SCN3A: variants seen among roughly 807,000 people sequenced by gnomAD.
SCN3A encodes sodium channel protein type 3 subunit alpha.
SCN3A carries 60 observed loss-of-function variants against 187.6 expected under a neutral mutation model. The observed-to-expected ratio is 0.32, with a 90% confidence interval of 0.26 to 0.40. The LOEUF (loss-of-function observed/expected upper bound fraction) is 0.40. Among genes scored for constraint, SCN3A ranks in the 10% least tolerant of loss-of-function variants. The probability of loss-of-function intolerance (pLI) is 1.00; values close to 1 mark genes in which losing one functional copy is unlikely to be tolerated. For missense variants in SCN3A, 1,601 were observed against 2,428.2 expected (o/e 0.66, Z 7.16); for synonymous variants, 788 against 829.2 (o/e 0.95, Z 0.85).
intron 21 of SCN3A, among the ~76,000 whole-genome samples, chr2:165,107,288 C>A (rs1685906765): frequency 6.6e-6 from 1 of 152,052 alleles, no homozygotes; most frequent in African/African-American, 2.4e-5. Flanking sequence ...TCTTTTTAAA[C>A]CTTGCCTGTG....
chr2:165,111,228 G>C (rs557355037), intron 21 of SCN3A, among the ~76,000 whole-genome samples: 1 of 152,162 alleles, frequency 6.6e-6, no homozygotes, highest in South Asian at 2.1e-4. Flanking sequence ...CCAGCTACTC[G>C]AGAGGCTGAG....
At chr2:165,118,934 T>C (rs1686512088) in intron 18 of SCN3A, among the ~76,000 whole-genome samples, 1 of 152,110 alleles carries the variant, frequency 6.6e-6, no homozygotes, top group Admixed American at 6.5e-5. Flanking sequence ...GGCTAATTTT[T>C]TGTATTTTTA....
intron 18 of SCN3A, among the ~76,000 whole-genome samples, chr2:165,120,336 C>A (rs1686591964): frequency 6.6e-6 from 1 of 151,782 alleles, no homozygotes; most frequent in African/African-American, 2.4e-5. Context: ...GAGACCATTC[C>A]CCGCCGCCCA....
chr2:165,111,038 A>C (rs536478903), intron 21 of SCN3A, among the ~76,000 whole-genome samples: 4 of 152,190 alleles, frequency 2.6e-5, no homozygotes, highest in Non-Finnish European at 4.4e-5. Flanking sequence ...CTTCTATCAC[A>C]TTTTAAAATA....
At chr2:165,128,223 C>G in intron 17 of SCN3A, 122 bp from the exon 18 acceptor site, 1 of 800,786 alleles carries the variant, frequency 1.2e-6, no homozygotes, top group Non-Finnish European at 1.9e-6. Context: ...TGAATGCTTA[C>G]TATATTTCAG....
At chr2:165,113,616 T>G (rs1686221056) in intron 20 of SCN3A, among the ~76,000 whole-genome samples, 200 bp downstream of exon 20, 2 of 152,234 alleles carry the variant, frequency 1.3e-5, no homozygotes, top group African/African-American at 4.8e-5. Flanking sequence ...AAACACCAGA[T>G]GAGAAATTCC....
At chr2:165,134,106 A>G (rs1687520139) in intron 15 of SCN3A, among the ~76,000 whole-genome samples, 1 of 152,174 alleles carries the variant, frequency 6.6e-6, no homozygotes, top group African/African-American at 2.4e-5. Flanking sequence ...AATTGAAACC[A>G]GCAGGAGAAA....
chr2:165,181,763 G>A (rs1326432423), intron 2 of SCN3A, among the ~76,000 whole-genome samples: 8 of 152,188 alleles, frequency 5.3e-5, no homozygotes, highest in Middle Eastern at 6.8e-3. Context: ...AAAGAAAAGT[G>A]GCTTATTCAG....
rs774872246 is a variant in SCN3A at position 165,090,633 on chromosome 2, G to T, written c.5520C>A (p.Pro1840=). The stretch of plus-strand genomic sequence containing the variant: ...AGTGGATCCGGTCACCACTGACCAT[G>T]GGCAGATCCATGGCAATAAGCTGGA... ...NKVQLIAMDL[P]MVSGDRIHCL... Residue 1840 remains proline, a synonymous_variant, in exon 28 of 28, where the codon CCC becomes CCA. Transcript: ENST00000283254. The surrounding 1 kb of genome is among the most constrained non-coding windows in gnomAD (Gnocchi z 4.0). The T allele has an allele frequency of 1.2e-6, 2 of 1,614,082 alleles. No individual in the cohort carries two copies. The highest frequency in any genetic ancestry group is 2.2e-5 in the East Asian group (1 of 44,874).
intron 12 of SCN3A, among the ~76,000 whole-genome samples, chr2:165,145,315 G>GA (rs56084089): frequency 0.17 from 25,517 of 150,910 alleles, 2,528 homozygotes; most frequent in East Asian, 0.27. Flanking sequence ...GACTGTTTAA[G>GA]AAAAAAAAAT....
Position 165,168,848 on chromosome 2 carries a change from A to G in SCN3A, c.384-23T>C, listed in dbSNP as rs760672833. 5.2e-6 allele frequency: 8 copies of G among 1,537,872 alleles called. No individual in the cohort carries two copies. The East Asian group carries it at 1.6e-4, about 30-fold the overall frequency. The stretch of plus-strand genomic sequence containing the variant: ...AAAGTAGATTATAGTTAAGGAATAA[A>G]TGTTAGTAGGTTACCATGGCCATTT... On this transcript the variant is annotated intron_variant, in intron 4 of 27. Coordinates refer to ENST00000283254, the MANE Select transcript of SCN3A (RefSeq NM_006922.4).
chr2:165,132,502 A>T (rs1375785137), intron 15 of SCN3A, among the ~76,000 whole-genome samples: 1 of 152,216 alleles, frequency 6.6e-6, no homozygotes, highest in East Asian at 1.9e-4. Flanking sequence ...CTAATCTTTG[A>T]CAAATCTGAG....
At chr2:165,103,834 T>A (rs1685723522) in intron 21 of SCN3A, among the ~76,000 whole-genome samples, 1 of 152,158 alleles carries the variant, frequency 6.6e-6, no homozygotes, top group South Asian at 2.1e-4. Flanking sequence ...TACATTCTGA[T>A]GATATATTTC....
chr2:165,194,829 G>C (rs1330339820), intron 1 of SCN3A: 1 of 150,812 alleles, frequency 6.6e-6, no homozygotes, highest in African/African-American at 2.4e-5. Flanking sequence ...ATAAAGAAAA[G>C]ATGAAAAAAA....
chr2:165,124,272 G>A (rs1183131185), intron 18 of SCN3A, among the ~76,000 whole-genome samples: 1 of 151,722 alleles, frequency 6.6e-6, no homozygotes, highest in Non-Finnish European at 1.5e-5. Flanking sequence ...CCATTAAAAA[G>A]GCATGATAAT....
chr2:165,118,357 G>A (rs1686476070), intron 18 of SCN3A, among the ~76,000 whole-genome samples: 1 of 152,178 alleles, frequency 6.6e-6, no homozygotes, highest in African/African-American at 2.4e-5. Flanking sequence ...GAGATTTTCT[G>A]ATTATAAAGA....
intron 3 of SCN3A, among the ~76,000 whole-genome samples, 193 bp downstream of exon 3, chr2:165,175,938 T>C (rs1690423179): frequency 6.6e-6 from 1 of 152,182 alleles, no homozygotes; most frequent in Non-Finnish European, 1.5e-5. Flanking sequence ...ATTTCCTGAC[T>C]GTAACCAACT....
intron 9 of SCN3A, among the ~76,000 whole-genome samples, chr2:165,157,462 G>C (rs566321271): frequency 6.6e-6 from 1 of 152,256 alleles, no homozygotes; most frequent in African/African-American, 2.4e-5. Context: ...AGACTACAGA[G>C]GTAAAATGTC....
At position 165,146,843 on chromosome 2, in the gene SCN3A, A is replaced by G; in HGVS notation, c.1567T>C (p.Phe523Leu). 6.2e-7 allele frequency: 1 copy of G among 1,614,094 alleles called. No homozygotes were observed. The highest frequency in any genetic ancestry group is 8.5e-7 in the Non-Finnish European group (1 of 1,179,982). Residue 523 changes from phenylalanine (F) to leucine (L), a missense_variant, in exon 12 of 28, where the codon TTT (phenylalanine) becomes CTT (leucine). Phe to Leu is a conservative substitution (Grantham distance 22). This residue lies in a region of SCN3A where 376 missense variants were observed against 476.0 expected (regional missense o/e 0.79). Coordinates refer to ENST00000283254, the MANE Select transcript of SCN3A (RefSeq NM_006922.4). ...CTGTCTTCAGATTCGGATTTGGGAAAGCTGTCTCTCTCTCCTTTGTTGTTT... is the reference window on the plus strand; with the variant it reads ...CTGTCTTCAGATTCGGATTTGGGAAGGCTGTCTCTCTCTCCTTTGTTGTTT... ...EGNNKGERDS[F>L]PKSESEDSVK...
Sources: allele counts gnomAD v4.1 joint callset (sites outside exome capture counted in the v4.1 genomes callset), GRCh38; gene constraint gnomAD v4.1.1; regional missense constraint gnomAD v4.1.1; non-coding constraint Gnocchi (gnomAD v3.1); transcripts MANE v1.5; gene names NCBI Gene and HGNC (gene_info 2026-07-23, HGNC 2026-07-21).